Variants in ADGRL3 observed in about 807,000 individuals in gnomAD.
ADGRL3 encodes the protein adhesion G protein-coupled receptor L3, also known as calcium-independent alpha-latrotoxin receptor 3.
A neutral mutation model predicts 153.5 loss-of-function variants in ADGRL3; 62 were observed. The ratio of observed to expected loss-of-function variants is 0.40; its 90% CI spans 0.33 to 0.50. The LOEUF (loss-of-function observed/expected upper bound fraction) is 0.50. Ranked by LOEUF, ADGRL3 falls within the 20% of genes least tolerant of loss-of-function variation. ADGRL3 has a pLI of 0.47. For synonymous variants in ADGRL3, 710 were observed against 672.5 expected, an observed-to-expected ratio of 1.06 and a Z score of -0.86; for missense variants, 1,641 against 1,859.4, an observed-to-expected ratio of 0.88 and a Z score of 2.16.
At chr4:61,214,984 G>C (rs759237506) in intron 1 of ADGRL3, among the ~76,000 whole-genome samples, 8 of 152,014 alleles carry the variant, frequency 5.3e-5, no homozygotes, top group Non-Finnish European at 1.2e-4. Flanking sequence ...GAAATGTCCA[G>C]TAGTCAGGTA....
rs978419309 is a variant in ADGRL3, at chr4:61,741,836, C to T, written c.1399+8282C>T. 5.9e-5 allele frequency among the ~76,000 whole-genome samples: 9 copies of T among 152,346 alleles called. No individual in the cohort carries two copies. The East Asian group carries it at 7.7e-4, about 13-fold the overall frequency. ...GGCAAGGAATAAAAAGGTTCACAAA[C>T]GCTCTAACGTTAGTTGTGTTTCTAC... On this transcript the variant is annotated intron_variant, in intron 8 of 26. Transcript: ENST00000683033.
chr4:61,589,516 G>A (rs1157725726), intron 5 of ADGRL3, among the ~76,000 whole-genome samples: 1 of 152,026 alleles, frequency 6.6e-6, no homozygotes, highest in Non-Finnish European at 1.5e-5. Context: ...ATAGATTAAA[G>A]CATTTAAACT....
chr4:61,621,321 A>G (rs1016515892), intron 5 of ADGRL3, among the ~76,000 whole-genome samples: 4 of 152,142 alleles, frequency 2.6e-5, no homozygotes, highest in Admixed American at 2.6e-4. Context: ...TCTTGATTTT[A>G]AGCAGCAACA....
At chr4:61,646,885 G>C (rs563959650) in intron 5 of ADGRL3, among the ~76,000 whole-genome samples, 4 of 152,284 alleles carry the variant, frequency 2.6e-5, no homozygotes, top group Non-Finnish European at 4.4e-5. Flanking sequence ...CCTGGCTGCC[G>C]AATTGCAGTT....
chr4:61,543,584 A>G (rs1469007500), intron 4 of ADGRL3, among the ~76,000 whole-genome samples: 2 of 152,158 alleles, frequency 1.3e-5, no homozygotes, highest in Admixed American at 1.3e-4. Flanking sequence ...GTTACTGCGC[A>G]ATAGAAAACT....
intron 5 of ADGRL3, among the ~76,000 whole-genome samples, chr4:61,637,814 AGAGTT>A (rs1324379471): frequency 3.9e-5 from 6 of 152,180 alleles, no homozygotes; most frequent in East Asian, 3.9e-4. Context: ...TAAAAATAGT[AGAGTT>A]ATCTGTTTCC....
At chr4:61,443,273 T>C (rs1439355464) in intron 2 of ADGRL3, among the ~76,000 whole-genome samples, 1 of 152,158 alleles carries the variant, frequency 6.6e-6, no homozygotes, top group African/African-American at 2.4e-5. Flanking sequence ...TTTTAAAAAG[T>C]TAAATGAAAC....
intron 5 of ADGRL3, among the ~76,000 whole-genome samples, chr4:61,644,884 G>C (rs560332335): frequency 1.3e-4 from 20 of 151,898 alleles, no homozygotes; most frequent in Non-Finnish European, 2.7e-4. Flanking sequence ...TGACAGTGGG[G>C]TGTTAAAGTC....
At chr4:61,970,577 T>C (rs1355116868) in intron 17 of ADGRL3, among the ~76,000 whole-genome samples, 1 of 151,994 alleles carries the variant, frequency 6.6e-6, no homozygotes, top group African/African-American at 2.4e-5. Flanking sequence ...ATAAGTTCCA[T>C]TGAATTCAAA....
In ADGRL3 at chr4:61,489,072, T is replaced by G. The variant is rs115925338; in HGVS notation, c.-173-8049T>G. On this transcript the variant is annotated intron_variant, in intron 2 of 26. Transcript: ENST00000683033. ...AAATGAGAACAAGAATTTTTCTCAT[T>G]AATCGAATGCCTACTCTTGCCAGGA... 1.4e-3 allele frequency among the ~76,000 whole-genome samples: 219 copies of G among 152,130 alleles called. 1 individual carries two copies. Among genetic ancestry groups the G allele is most frequent in the African/African-American group, 4.9e-3 (202 of 41,562 alleles).
chr4:61,439,554 A>G (rs1445355619), intron 2 of ADGRL3, among the ~76,000 whole-genome samples: 1 of 152,140 alleles, frequency 6.6e-6, no homozygotes, highest in Non-Finnish European at 1.5e-5. Flanking sequence ...TTCTGCACCC[A>G]TCAACCCGTC....
intron 8 of ADGRL3, among the ~76,000 whole-genome samples, chr4:61,770,543 C>T (rs2097072311): frequency 6.6e-6 from 1 of 151,976 alleles, no homozygotes; most frequent in African/African-American, 2.4e-5. Flanking sequence ...ATTATATTTC[C>T]AATGTTTTGA....
At chr4:61,499,771 A>T (rs1462220591) in intron 3 of ADGRL3, among the ~76,000 whole-genome samples, 2 of 152,244 alleles carry the variant, frequency 1.3e-5, no homozygotes, top group African/African-American at 4.8e-5. Context: ...ATTCGTATTC[A>T]AAAGATCAAT....
At chr4:61,483,531 A>G (rs2098154579) in intron 2 of ADGRL3, among the ~76,000 whole-genome samples, 1 of 152,240 alleles carries the variant, frequency 6.6e-6, no homozygotes, top group Admixed American at 6.5e-5. Context: ...TGAAGTCGGG[A>G]GTTCGAGACC....
At chr4:61,255,134 A>T (rs983862254) in intron 1 of ADGRL3, among the ~76,000 whole-genome samples, 1 of 152,138 alleles carries the variant, frequency 6.6e-6, no homozygotes, top group Non-Finnish European at 1.5e-5. Context: ...TGACTGCTAA[A>T]TTCATTTGTT....
intron 5 of ADGRL3, among the ~76,000 whole-genome samples, chr4:61,644,383 G>A (rs1232397639): frequency 6.6e-6 from 1 of 151,730 alleles, no homozygotes; most frequent in African/African-American, 2.4e-5. Context: ...TGTGATGTTA[G>A]GGTGTCAATT....
At chr4:61,745,019 A>G (rs540972732) in intron 8 of ADGRL3, among the ~76,000 whole-genome samples, 3 of 152,228 alleles carry the variant, frequency 2.0e-5, no homozygotes, top group Non-Finnish European at 4.4e-5. Context: ...GAAGTGCTTA[A>G]AGGAGCTGAT....
At chr4:61,465,758 A>AATAAATATATATATATATATATATAT (rs71664991) in intron 2 of ADGRL3, among the ~76,000 whole-genome samples, 1 of 130,178 alleles carries the variant, frequency 7.7e-6, no homozygotes, top group African/African-American at 2.7e-5. Context: ...ATTATATATA[A>AATAAATATATATATATATATATATAT]ATATATATAT....
At chr4:61,696,670 C>CTTTTTTTTTTTT (rs34306284) in intron 6 of ADGRL3, among the ~76,000 whole-genome samples, 24 of 102,008 alleles carry the variant, frequency 2.4e-4, no homozygotes, top group African/African-American at 3.6e-4. Flanking sequence ...TTTTTTTAAC[C>CTTTTTTTTTTTT]TTTTTTTTTT....
Sources: gnomAD v4.1 joint callset for allele counts (sites outside exome capture counted in the v4.1 genomes callset) on GRCh38, gnomAD v4.1.1 for gene constraint, MANE v1.5 for transcripts, NCBI Gene and HGNC (gene_info 2026-07-23, HGNC 2026-07-21) for gene names.